POU2F3: variants seen among roughly 807,000 people sequenced by gnomAD.
The protein encoded by POU2F3 is POU domain, class 2, transcription factor 3.
In POU2F3, 23 loss-of-function variants were observed where a neutral mutation model predicts 59.2. The observed-to-expected ratio is 0.39, with a 90% CI of 0.28 to 0.55. The LOEUF is 0.55. Ranked by LOEUF, POU2F3 falls within the 20% of genes least tolerant of loss-of-function variation. The pLI is 0.66. For missense variants in POU2F3, 473 were observed against 544.5 expected (o/e 0.87, Z 1.31); for synonymous variants, 190 against 214.6 (o/e 0.89, Z 1.00).
At chr11:120,254,330 C>A (rs1050347220) in intron 2 of POU2F3, among the ~76,000 whole-genome samples, 1 of 152,216 alleles carries the variant, frequency 6.6e-6, no homozygotes, top group African/African-American at 2.4e-5. Context: ...CAGACATACA[C>A]TTCAGACCCC....
upstream of POU2F3, among the ~76,000 whole-genome samples, chr11:120,238,696 T>G (rs942336765): frequency 2.0e-5 from 3 of 151,150 alleles, no homozygotes; most frequent in Non-Finnish European, 3.0e-5. Context: ...TAGCTGGGTG[T>G]AGTGGCACGT....
At chr11:120,295,316 G>A (rs559386937) in intron 3 of POU2F3, among the ~76,000 whole-genome samples, 1,636 of 152,298 alleles carry the variant, frequency 0.011, 22 homozygotes, top group African/African-American at 0.036. Context: ...AGTCTACAGA[G>A]GAACCCTGCC....
At position 120,246,446 on chromosome 11, in the gene POU2F3, C is replaced by A; in HGVS notation, c.29-3C>A. ...ATTAAAATCAGTTGTGTTTTCCCTG[C>A]AGATATCAAGATGAGTGGGGATGTA... On this transcript the variant is annotated splice_polypyrimidine_tract_variant and splice_region_variant and intron_variant, in intron 1 of 12. Coordinates refer to ENST00000543440, the MANE Select transcript of POU2F3 (RefSeq NM_014352.4). 6.2e-7 allele frequency: 1 copy of A among 1,613,360 alleles called. No individual in the cohort carries two copies.
intron 3 of POU2F3, among the ~76,000 whole-genome samples, chr11:120,273,070 A>G (rs1940148479): frequency 6.6e-6 from 1 of 152,198 alleles, no homozygotes; most frequent in African/African-American, 2.4e-5. Flanking sequence ...TTATTTGTCC[A>G]TTGAAGAGAA....
chr11:120,301,294 A>G, intron 5 of POU2F3: 2 of 296,360 alleles, frequency 6.7e-6, no homozygotes, highest in Non-Finnish European at 1.3e-5. Context: ...GAAATAATGC[A>G]TGTGAAAAGG....
At chr11:120,317,061 A>G in intron 11 of POU2F3, 168 bp from the exon 12 acceptor site, 2 of 726,738 alleles carry the variant, frequency 2.8e-6, no homozygotes, top group Non-Finnish European at 4.7e-6. Context: ...GGGTGTGGGC[A>G]GAAGTTGATG....
chr11:120,318,770 G>C lies in POU2F3; in HGVS notation c.*378G>C, dbSNP rs771033778. 6 of 215,582 alleles carry C rather than the reference G, an allele frequency of 2.8e-5. No homozygotes were observed. Among genetic ancestry groups the C allele is most frequent in the Non-Finnish European group, 5.4e-5 (6 of 110,374 alleles). 13.4% of individuals were successfully genotyped at this position (215,582 alleles called of 1,614,324 possible). ...GTGGGCTTCTGGGGACAGCCATTTG[G>C]CTGGGGTGCCAAACACCAGAAGGGG... On this transcript the variant is annotated 3_prime_UTR_variant, in exon 13 of 13. Transcript: ENST00000543440.
chr11:120,241,179 G>C (rs1400854814), intron 1 of POU2F3, among the ~76,000 whole-genome samples: 2 of 152,256 alleles, frequency 1.3e-5, no homozygotes, highest in East Asian at 1.9e-4. Flanking sequence ...CACAGGGCCT[G>C]AGCAAAGAAC....
chr11:120,256,787 T>C (rs1939360788), intron 2 of POU2F3: 1 of 152,228 alleles, frequency 6.6e-6, no homozygotes, highest in Non-Finnish European at 1.5e-5. Flanking sequence ...GGAGACTAGA[T>C]GTTGTAGTTC....
At chr11:120,284,653 G>A (rs1313142568) in intron 3 of POU2F3, among the ~76,000 whole-genome samples, 1 of 152,172 alleles carries the variant, frequency 6.6e-6, no homozygotes, top group African/African-American at 2.4e-5. Flanking sequence ...AGGAAGTAAC[G>A]TGGCCATCCT....
intron 10 of POU2F3, among the ~76,000 whole-genome samples, chr11:120,314,170 G>A (rs1941724981): frequency 1.3e-5 from 2 of 152,202 alleles, no homozygotes; most frequent in South Asian, 4.1e-4. Flanking sequence ...AGCCTACTGA[G>A]GAGGCTCATT....
intron 3 of POU2F3, among the ~76,000 whole-genome samples, chr11:120,273,878 G>T (rs1370462942): frequency 6.6e-6 from 1 of 152,058 alleles, no homozygotes; most frequent in East Asian, 1.9e-4. Context: ...TTAGCTGGGT[G>T]TGGTGGCAGG....
At chr11:120,258,575 G>A (rs1244153855) in intron 2 of POU2F3, among the ~76,000 whole-genome samples, 1 of 152,168 alleles carries the variant, frequency 6.6e-6, no homozygotes, top group Non-Finnish European at 1.5e-5. Flanking sequence ...TGGGTGGGGC[G>A]TTTCTCTGAG....
In POU2F3 at chr11:120,253,957, G is replaced by A. The variant is rs940826287; in HGVS notation, c.97+7440G>A. Among the ~76,000 whole-genome samples, 3 of 152,096 alleles carry A rather than the reference G, an allele frequency of 2.0e-5. No individual in the cohort carries two copies. The East Asian group carries it at 5.8e-4, about 29-fold the overall frequency. On this transcript the variant is annotated intron_variant, in intron 2 of 12. Coordinates refer to ENST00000543440, the MANE Select transcript of POU2F3 (RefSeq NM_014352.4). ...GGTCCCAGTCTGTCCTTTGCTGACCGGGGTGGCATGACACCCACCTACCCT... is the reference window on the plus strand; with the variant it reads ...GGTCCCAGTCTGTCCTTTGCTGACCAGGGTGGCATGACACCCACCTACCCT...
intron 6 of POU2F3, 122 bp downstream of exon 6, chr11:120,302,490 G>A: frequency 2.3e-6 from 2 of 875,276 alleles, no homozygotes; most frequent in Non-Finnish European, 3.5e-6. Context: ...GGGGATAGCA[G>A]GGAACTATCC....
rs999982319 is a variant in POU2F3 at position 120,285,970 on chromosome 11, C to T, written c.133-12295C>T. On this transcript the variant is annotated intron_variant, in intron 3 of 12. Transcript: ENST00000543440. The surrounding 1 kb of genome is among the most constrained non-coding windows in gnomAD (Gnocchi z 4.3). Reference sequence around the variant, plus strand: ...CTATCTCGGCTCACTGCAACCTCCGCCCCCAGGGTTCAAACAATTCTCGTG... The same window carrying T: ...CTATCTCGGCTCACTGCAACCTCCGTCCCCAGGGTTCAAACAATTCTCGTG... Among the ~76,000 whole-genome samples the T allele has an allele frequency of 6.6e-6, 1 of 152,060 alleles. No individual in the cohort carries two copies. The highest frequency in any genetic ancestry group is 1.5e-5 in the Non-Finnish European group (1 of 68,030).
chr11:120,287,645 G>T (rs1011685252), intron 3 of POU2F3, among the ~76,000 whole-genome samples: 3 of 152,194 alleles, frequency 2.0e-5, no homozygotes, highest in Admixed American at 1.3e-4. Flanking sequence ...TAGCCTTAGA[G>T]AATTTATCTT....
Position 120,299,659 on chromosome 11 carries a change from G to A in POU2F3, c.294G>A (p.Val98=). 1 of 1,613,912 alleles carries A rather than the reference G, an allele frequency of 6.2e-7. No individual in the cohort carries two copies. Among genetic ancestry groups the A allele is most frequent in the Non-Finnish European group, 8.5e-7 (1 of 1,179,994 alleles). ...CCCTCCATCCGCTCCAGCAGCTTGTGCTGGTTCCCGGCCACTTACAGTCTG... is the reference window on the plus strand; with the variant it reads ...CCCTCCATCCGCTCCAGCAGCTTGTACTGGTTCCCGGCCACTTACAGTCTG... The part of the protein sequence containing the change: ...MASLHPLQQL[V]LVPGHLQSVS... The change falls in exon 5 of 13, where the codon GTG becomes GTA. Residue 98 remains valine (V), a synonymous_variant. Transcript: ENST00000543440.
chr11:120,280,165 G>A (rs1264158416), intron 3 of POU2F3, among the ~76,000 whole-genome samples: 1 of 152,192 alleles, frequency 6.6e-6, no homozygotes, highest in Non-Finnish European at 1.5e-5. Flanking sequence ...CAAGGCTTTT[G>A]AAAGGGAAGC....
Sources: allele counts gnomAD v4.1 joint callset (sites outside exome capture counted in the v4.1 genomes callset), GRCh38; gene constraint gnomAD v4.1.1; non-coding constraint Gnocchi (gnomAD v3.1); transcripts MANE v1.5; gene names NCBI Gene and HGNC (gene_info 2026-07-23, HGNC 2026-07-21).